Variants in SYCP2 observed in about 807,000 individuals in gnomAD.
SYCP2 encodes the protein synaptonemal complex lateral element protein.
A neutral mutation model predicts 211.3 loss-of-function variants in SYCP2; 55 were observed. The observed-to-expected ratio is 0.26, with a 90% CI of 0.21 to 0.33. The LOEUF is 0.33. SYCP2 is among the 10% of genes least tolerant of loss of function. The pLI is 1.00. For missense variants in SYCP2, 1,731 were observed against 1,752.0 expected, an observed-to-expected ratio of 0.99 and a Z score of 0.21; for synonymous variants, 570 against 555.2, an observed-to-expected ratio of 1.03 and a Z score of -0.37.
intron 18 of SYCP2, 109 bp from the exon 19 acceptor site, chr20:59,896,637 T>A (rs1015078846): frequency 3.4e-6 from 2 of 582,300 alleles, no homozygotes; most frequent in African/African-American, 3.8e-5. Context: ...AGATATATGT[T>A]TTTTAAATAA....
At chr20:59,865,042 T>G (rs1329922011) in intron 44 of SYCP2, among the ~76,000 whole-genome samples, 1 of 152,008 alleles carries the variant, frequency 6.6e-6, no homozygotes, top group East Asian at 1.9e-4. Flanking sequence ...CTACAGACTT[T>G]CTGGGAGTTT....
intron 14 of SYCP2, among the ~76,000 whole-genome samples, chr20:59,909,440 C>T (rs374082969): frequency 2.0e-5 from 3 of 152,194 alleles, no homozygotes; most frequent in African/African-American, 7.2e-5. Context: ...TTATTTCTCA[C>T]CTGGATTATT....
intron 4 of SYCP2, 32 bp downstream of exon 4, chr20:59,921,278 G>C (rs760552074): frequency 1.3e-6 from 2 of 1,557,822 alleles, no homozygotes; most frequent in African/African-American, 1.4e-5. Flanking sequence ...TCTAATAATT[G>C]TAACAATCAT....
intron 38 of SYCP2, 43 bp from the exon 39 acceptor site, chr20:59,867,890 C>G (rs2059381957): frequency 6.8e-7 from 1 of 1,474,190 alleles, no homozygotes; most frequent in Non-Finnish European, 9.4e-7. Flanking sequence ...ATATGCATTA[C>G]TCTAAATTTA....
intron 19 of SYCP2, among the ~76,000 whole-genome samples, chr20:59,895,871 TA>T (rs2059998232): frequency 2.0e-5 from 3 of 152,124 alleles, no homozygotes; most frequent in African/African-American, 7.2e-5. Flanking sequence ...ACAAGATTTT[TA>T]GAACAGAAGG....
At chr20:59,888,634 C>T (rs1600864989) in intron 24 of SYCP2, among the ~76,000 whole-genome samples, 2 of 151,910 alleles carry the variant, frequency 1.3e-5, no homozygotes, top group South Asian at 4.1e-4. Flanking sequence ...TAACATTGTT[C>T]TGGAATTCTT....
intron 16 of SYCP2, 43 bp downstream of exon 16, chr20:59,901,619 G>C (rs1299377154): frequency 1.7e-6 from 2 of 1,201,954 alleles, no homozygotes; most frequent in South Asian, 3.1e-5. Flanking sequence ...ACTGTTTCCA[G>C]AATTATGAAA....
In SYCP2 at chr20:59,911,779, G is replaced by C. The variant is rs757291016; in HGVS notation, c.943C>G (p.Leu315Val). The change falls in exon 14 of 45, where the codon CTC (leucine) becomes GTC (valine). Residue 315 changes from leucine to valine, a missense_variant. Physicochemically the swap from Leu to Val is conservative, Grantham distance 32. Coordinates refer to ENST00000357552, the MANE Select transcript of SYCP2 (RefSeq NM_014258.4). ...WIDFNLGSQTLSFYIAGDNDD... is the reference protein window; with the variant it reads ...WIDFNLGSQTVSFYIAGDNDD... ...TTATCTCCAGCAATGTAGAATGAGAGAGTCTGACTCCCAAGATTAAAATCA... is the reference window on the plus strand; with the variant it reads ...TTATCTCCAGCAATGTAGAATGAGACAGTCTGACTCCCAAGATTAAAATCA... 6.3e-7 allele frequency: 1 copy of C among 1,588,604 alleles called. No individual in the cohort carries two copies. Among genetic ancestry groups the C allele is most frequent in the Non-Finnish European group, 8.6e-7 (1 of 1,163,900 alleles).
At chr20:59,895,656 G>A (rs540697482) in intron 19 of SYCP2, 59 bp from the exon 20 acceptor site, 18 of 1,572,640 alleles carry the variant, frequency 1.1e-5, no homozygotes, top group South Asian at 1.2e-5. Flanking sequence ...TATTATTGAG[G>A]TACTTTTCCA....
At chr20:59,897,268 A>C (rs1393776769) in intron 18 of SYCP2, among the ~76,000 whole-genome samples, 1 of 152,164 alleles carries the variant, frequency 6.6e-6, no homozygotes, top group Non-Finnish European at 1.5e-5. Flanking sequence ...GTGGGTATGT[A>C]TATGAAACGT....
intron 15 of SYCP2, among the ~76,000 whole-genome samples, chr20:59,904,108 A>AC (rs1298834525): frequency 3.3e-5 from 5 of 152,134 alleles, no homozygotes; most frequent in African/African-American, 1.2e-4. Context: ...CAAATAGGAC[A>AC]CTTAAAAGCT....
chr20:59,908,375 T>C (rs149364821), intron 14 of SYCP2, among the ~76,000 whole-genome samples: 1 of 152,164 alleles, frequency 6.6e-6, no homozygotes, highest in South Asian at 2.1e-4. Context: ...TTCTCTCCTA[T>C]ACCTTAATTG....
chr20:59,863,778 G>A lies in SYCP2; in HGVS notation c.*533C>T, dbSNP rs2059278355. On this transcript the variant is annotated 3_prime_UTR_variant, in exon 45 of 45. Coordinates refer to ENST00000357552, the MANE Select transcript of SYCP2 (RefSeq NM_014258.4). ...TAGTAGCTTTTTTAGGCCATTTAGT[G>A]CTTCCTAATACATTAGAGCCATATC... 1 of 151,806 alleles carries A rather than the reference G, an allele frequency of 6.6e-6. No individual in the cohort carries two copies. Among genetic ancestry groups the A allele is most frequent in the African/African-American group, 2.4e-5 (1 of 41,370 alleles). 9.4% of individuals were successfully genotyped at this position (151,806 alleles called of 1,614,324 possible).
intron 2 of SYCP2, among the ~76,000 whole-genome samples, chr20:59,931,845 G>C (rs1343850373): frequency 6.6e-6 from 1 of 152,034 alleles, no homozygotes; most frequent in Non-Finnish European, 1.5e-5. Flanking sequence ...GGCCACAATA[G>C]AGTCAAAAGC....
At chr20:59,881,766 T>TAA (rs372383595) in intron 28 of SYCP2, among the ~76,000 whole-genome samples, 179 bp downstream of exon 28, 5 of 134,802 alleles carry the variant, frequency 3.7e-5, no homozygotes, top group East Asian at 2.1e-4. Flanking sequence ...AACAAAAATT[T>TAA]AAAAAAAAAA....
intron 2 of SYCP2, among the ~76,000 whole-genome samples, chr20:59,929,754 C>A (rs1014733415): frequency 1.3e-5 from 2 of 149,670 alleles, no homozygotes; most frequent in African/African-American, 4.9e-5. Flanking sequence ...AAGAAGGATA[C>A]AAATACTGGG....
intron 7 of SYCP2, among the ~76,000 whole-genome samples, chr20:59,917,562 A>T (rs549175778): frequency 2.6e-5 from 4 of 152,340 alleles, no homozygotes; most frequent in Admixed American, 2.6e-4. Flanking sequence ...AAAAACTTAA[A>T]AATTTAGACT....
chr20:59,869,015 T>C, intron 36 of SYCP2, 90 bp from the exon 37 acceptor site: 1 of 807,074 alleles, frequency 1.2e-6, no homozygotes, highest in Non-Finnish European at 1.9e-6. Flanking sequence ...AAACCAATAA[T>C]TTTAAATGCT....
At chr20:59,884,494 T>A (rs2059748506) in intron 26 of SYCP2, among the ~76,000 whole-genome samples, 2 of 152,074 alleles carry the variant, frequency 1.3e-5, no homozygotes, top group South Asian at 4.1e-4. Flanking sequence ...TCAGAAATAA[T>A]TAGTAAGTTA....
Sources: allele counts gnomAD v4.1 joint callset (sites outside exome capture counted in the v4.1 genomes callset), GRCh38; gene constraint gnomAD v4.1.1; transcripts MANE v1.5; gene names NCBI Gene and HGNC (gene_info 2026-07-23, HGNC 2026-07-21).